Variants in PIN4 observed in about 807,000 individuals in gnomAD.
PIN4 encodes the protein peptidylprolyl cis/trans isomerase, NIMA-interacting 4.
A neutral mutation model predicts 8.3 loss-of-function variants in PIN4; 3 were observed. That is an observed-to-expected ratio of 0.36 (90% CI 0.16 to 0.93). The LOEUF is 0.93. PIN4 is among the 40% of genes least tolerant of loss of function. PIN4 has a pLI of 0.44. For missense variants in PIN4, 75 were observed against 100.6 expected (o/e 0.75, Z 1.09); for synonymous variants, 18 against 32.5 (o/e 0.55, Z 1.52).
chrX:72,227,158 G>A (rs112357071), intron 3 of PIN4, among the ~76,000 whole-genome samples: 1 of 111,589 alleles, frequency 9.0e-6, no homozygotes, highest in Admixed American at 9.5e-5. Flanking sequence ...AGGATGGGTC[G>A]AGGCTTTTCC....
intron 3 of PIN4, among the ~76,000 whole-genome samples, chrX:72,227,710 C>T (rs1011978768): frequency 9.0e-6 from 1 of 111,559 alleles, no homozygotes; most frequent in Non-Finnish European, 1.9e-5. Flanking sequence ...GATCCCAGTC[C>T]TACCCCCAAT....
intron 3 of PIN4, chrX:72,208,436 A>T: frequency 5.0e-6 from 6 of 1,211,703 alleles, no homozygotes; most frequent in Non-Finnish European, 6.7e-6. Context: ...CCATCCCTAT[A>T]CAGGCTATAG....
intron 3 of PIN4, chrX:72,205,624 GTGT>G (rs1217681853): frequency 4.1e-6 from 5 of 1,211,687 alleles, no homozygotes; most frequent in Non-Finnish European, 4.5e-6. Flanking sequence ...AAAGAGAGAT[GTGT>G]TGAATGGATT....
At position 72,197,708 on chromosome X, in the gene PIN4, A is replaced by C; in HGVS notation, c.*182A>C. ...GTAGGTGTAAGAGAGGGTGGGGCTA[A>C]GTGAATGTCAACTGTAGTAGGTATT... On this transcript the variant is annotated 3_prime_UTR_variant, in exon 4 of 4. Transcript: ENST00000373669. The C allele has an allele frequency of 2.0e-6, 2 of 1,008,569 alleles. No homozygotes were observed. The highest frequency in any genetic ancestry group is 2.5e-6 in the Non-Finnish European group (2 of 794,193). The allele number at this position is 1,008,569 out of a possible 1,213,427, so 83.1% of individuals were successfully genotyped here. A position where few individuals can be genotyped will look rare whatever the true frequency, so the allele number is the denominator to read the frequency against.
intron 1 of PIN4, among the ~76,000 whole-genome samples, chrX:72,184,729 GT>G (rs1470055900): frequency 1.8e-5 from 2 of 111,634 alleles, no homozygotes; most frequent in Non-Finnish European, 3.8e-5. Context: ...TAGGGTTTTG[GT>G]AGTCAGTATT....
intron 2 of PIN4, among the ~76,000 whole-genome samples, chrX:72,189,247 T>C (rs1400446698): frequency 9.0e-6 from 1 of 111,646 alleles, no homozygotes; most frequent in Admixed American, 9.5e-5. Flanking sequence ...AAAACTATAG[T>C]ACAATAGCAC....
chrX:72,193,079 C>G (rs2042744332), intron 2 of PIN4, among the ~76,000 whole-genome samples: 1 of 111,691 alleles, frequency 9.0e-6, no homozygotes, highest in Admixed American at 9.6e-5. Context: ...TAGCTTGGCT[C>G]TCCAAGACAC....
At chrX:72,231,426 G>C (rs1381585228) in intron 3 of PIN4, among the ~76,000 whole-genome samples, 3 of 111,685 alleles carry the variant, frequency 2.7e-5, no homozygotes, top group African/African-American at 9.8e-5. Context: ...GATGGGGAAA[G>C]GAGAAATGTT....
At chrX:72,201,604 G>A (rs144869408), downstream of PIN4, among the ~76,000 whole-genome samples, 632 of 111,948 alleles carry the variant, frequency 5.6e-3, 4 homozygotes, top group African/African-American at 0.02. Context: ...GTAAGACCTC[G>A]TCTCAGAAAA....
chrX:72,243,101 G>A (rs1286746264), intron 3 of PIN4, among the ~76,000 whole-genome samples: 1 of 109,478 alleles, frequency 9.1e-6, no homozygotes, highest in Non-Finnish European at 1.9e-5. Flanking sequence ...GGAGGTCGAG[G>A]TGGGTGGAGT....
At chrX:72,243,288 C>A (rs1279931743) in intron 3 of PIN4, among the ~76,000 whole-genome samples, 1 of 112,001 alleles carries the variant, frequency 8.9e-6, no homozygotes. Flanking sequence ...GCACTCCAGC[C>A]TCTACAAGAG....
At chrX:72,257,490 C>G (rs1229400480) in intron 3 of PIN4, among the ~76,000 whole-genome samples, 2 of 111,371 alleles carry the variant, frequency 1.8e-5, no homozygotes, top group African/African-American at 6.5e-5. Context: ...AGTAGAGTAC[C>G]ATTGCTGTAA....
chrX:72,257,723 C>T (rs1022030787), intron 3 of PIN4, among the ~76,000 whole-genome samples: 4 of 111,492 alleles, frequency 3.6e-5, no homozygotes, highest in African/African-American at 9.8e-5. Flanking sequence ...CATAGGGACT[C>T]GGGAGTTAAG....
intron 3 of PIN4, among the ~76,000 whole-genome samples, chrX:72,250,736 G>GTTTTT (rs1230012818): frequency 1.3e-5 from 1 of 74,370 alleles, no homozygotes; most frequent in African/African-American, 5.7e-5. Flanking sequence ...CTGGTATATG[G>GTTTTT]TTTTTTTTTT....
intron 3 of PIN4, among the ~76,000 whole-genome samples, chrX:72,239,771 CAAAAAA>C (rs1170667492): frequency 7.2e-5 from 1 of 13,858 alleles, no homozygotes; most frequent in Non-Finnish European, 1.3e-4. Context: ...GACTCCATCT[CAAAAAA>C]AAAAAAAAAA....
chrX:72,207,543 C>T, intron 3 of PIN4: 1 of 1,211,608 alleles, frequency 8.3e-7, no homozygotes, highest in Non-Finnish European at 1.1e-6. Flanking sequence ...CACACAGCTT[C>T]TTTAAGACAC....
At chrX:72,211,369 T>C (rs1253780318) in intron 3 of PIN4, among the ~76,000 whole-genome samples, 2 of 111,174 alleles carry the variant, frequency 1.8e-5, no homozygotes, top group Non-Finnish European at 3.8e-5. Context: ...AGAATAGTGC[T>C]AGAGTATGGG....
intron 3 of PIN4, among the ~76,000 whole-genome samples, chrX:72,228,231 G>A (rs746749127): frequency 5.3e-5 from 6 of 112,244 alleles, no homozygotes; most frequent in Non-Finnish European, 1.1e-4. Flanking sequence ...AACTGCTGGC[G>A]AGGGTGCTCT....
rs1370817714 is a variant in PIN4, at chrX:72,240,102, A to AT, written c.313-22605_313-22604insT. Among the ~76,000 whole-genome samples the AT allele has an allele frequency of 5.4e-3, 602 of 110,873 alleles. 9 individuals are homozygous for AT. Among genetic ancestry groups the AT allele is most frequent in the African/African-American group, 0.019 (574 of 30,509 alleles). On this transcript the variant is annotated intron_variant, in intron 3 of 3. Coordinates refer to the PIN4 transcript ENST00000423432. Reference sequence around the variant, plus strand: ...AGACTCCATCTCAAAAAAAAAAAAAAAATTAAAGTTCTTATTTAAGAAATA... The same window carrying AT: ...AGACTCCATCTCAAAAAAAAAAAAAATAATTAAAGTTCTTATTTAAGAAATA...
Sources: gnomAD v4.1 joint callset for allele counts (sites outside exome capture counted in the v4.1 genomes callset) on GRCh38, gnomAD v4.1.1 for gene constraint, MANE v1.5 for transcripts, NCBI Gene and HGNC (gene_info 2026-07-23, HGNC 2026-07-21) for gene names.